Variants in STARD10 observed in about 807,000 individuals in gnomAD.
The protein encoded by STARD10 is START domain-containing protein 10.
In STARD10, 24 loss-of-function variants were observed where a neutral mutation model predicts 36.0. The ratio of observed to expected loss-of-function variants is 0.67; its 90% CI spans 0.48 to 0.94. The LOEUF is 0.94. Among genes scored for constraint, STARD10 ranks in the 40% least tolerant of loss-of-function variants. The pLI is 0.00. For missense variants in STARD10, 335 were observed against 396.6 expected, an observed-to-expected ratio of 0.84 and a Z score of 1.32; for synonymous variants, 156 against 161.9, an observed-to-expected ratio of 0.96 and a Z score of 0.28.
chr11:72,790,490 G>C (rs527960302), intron 1 of STARD10: 2 of 152,100 alleles, frequency 1.3e-5, no homozygotes, highest in East Asian at 3.8e-4. Flanking sequence ...AAGGTGGGCC[G>C]GGGGGGTATC....
At chr11:72,765,191 G>A (rs1385358246) in intron 2 of STARD10, among the ~76,000 whole-genome samples, 3 of 152,122 alleles carry the variant, frequency 2.0e-5, no homozygotes, top group South Asian at 2.1e-4. Flanking sequence ...GCTTGAACCC[G>A]AGAGGCGGAG....
At position 72,781,305 on chromosome 11, in the gene STARD10, G is replaced by A; in HGVS notation, c.-113-11C>T. The A allele has an allele frequency of 2.5e-6, 2 of 809,054 alleles. No homozygotes were observed. Among genetic ancestry groups the A allele is most frequent in the South Asian group, 3.4e-5 (2 of 58,664 alleles). 50.1% of individuals were successfully genotyped at this position (809,054 alleles called of 1,614,324 possible). ...CCACCTTCCTGGGACCTGCAAGACC[G>A]GTTTGGGGACGGGAATCAGTGCGCT... On this transcript the variant is annotated splice_polypyrimidine_tract_variant and intron_variant, in intron 1 of 6. Transcript: ENST00000334805. The surrounding 1 kb of genome is among the most constrained non-coding windows in gnomAD (Gnocchi z 4.7).
chr11:72,769,593 C>T (rs1295494115), intron 2 of STARD10, among the ~76,000 whole-genome samples: 2 of 152,040 alleles, frequency 1.3e-5, no homozygotes, highest in African/African-American at 4.8e-5. Context: ...ATCCTCCCAC[C>T]TCAGCCTCTC....
intron 2 of STARD10, among the ~76,000 whole-genome samples, chr11:72,779,185 T>C (rs2135623609): frequency 6.6e-6 from 1 of 152,358 alleles, no homozygotes; most frequent in South Asian, 2.1e-4. Flanking sequence ...TCCCCCAGTG[T>C]GCACTGCCCG....
At position 72,781,024 on chromosome 11, in the gene STARD10, G is replaced by A. The variant is rs1484212002; in HGVS notation, c.158C>T (p.Ser53Phe). Residue 53 changes from serine to phenylalanine, a missense_variant, in exon 2 of 7, where the codon TCT becomes TTT. Physicochemically the swap from Ser to Phe is radical, Grantham distance 155. Transcript: ENST00000334805. The surrounding 1 kb of genome is among the most constrained non-coding windows in gnomAD (Gnocchi z 4.7). ...WNLTYSRAGV[S>F]VWVQAVEMDR... Reference sequence around the variant, plus strand: ...CATCTCCACAGCCTGCACCCAGACAGACACCCCAGCCCTGCTATAGGTCAG... The same window carrying A: ...CATCTCCACAGCCTGCACCCAGACAAACACCCCAGCCCTGCTATAGGTCAG... 2 of 1,614,048 alleles carry A rather than the reference G, an allele frequency of 1.2e-6. No individual in the cohort carries two copies. Among genetic ancestry groups the A allele is most frequent in the African/African-American group, 1.3e-5 (1 of 74,942 alleles).
At chr11:72,765,729 G>A (rs754733232) in intron 2 of STARD10, among the ~76,000 whole-genome samples, 24 of 151,980 alleles carry the variant, frequency 1.6e-4, no homozygotes, top group East Asian at 3.9e-4. Context: ...CCAGCACTTC[G>A]GGAGGCCGAG....
rs2135625193 is a variant in STARD10, at chr11:72,781,549, G to C, written c.-113-255C>G. ...AGGGACTGGCCGGGACCCGAGGGGA[G>C]GGACGGTGCGGCGGGGCCCGCGGAG... is the stretch of plus-strand genomic sequence containing the variant. On this transcript the variant is annotated intron_variant, in intron 1 of 6. Coordinates refer to ENST00000334805, the MANE Select transcript of STARD10 (RefSeq NM_006645.3). This position sits in a 1 kb window ranked among gnomAD's most constrained non-coding sequence, Gnocchi z 4.7. The C allele has an allele frequency of 5.3e-6, 1 of 189,782 alleles. No homozygotes were observed. The highest frequency in any genetic ancestry group is 6.0e-5 in the Admixed American group (1 of 16,780). The allele number at this position is 189,782 out of a possible 1,614,324, so 11.8% of individuals were successfully genotyped here. A position where few individuals can be genotyped will look rare whatever the true frequency, so the allele number is the denominator to read the frequency against.
At chr11:72,762,018 C>T (rs184604594) in intron 2 of STARD10, among the ~76,000 whole-genome samples, 45 of 149,192 alleles carry the variant, frequency 3.0e-4, no homozygotes, top group African/African-American at 9.4e-4. Flanking sequence ...CTACGCCTCC[C>T]GGGTTCAAGT....
chr11:72,786,691 T>G (rs763423490), intron 1 of STARD10, among the ~76,000 whole-genome samples: 1 of 151,752 alleles, frequency 6.6e-6, no homozygotes, highest in Non-Finnish European at 1.5e-5. Flanking sequence ...CACCTTGGTA[T>G]TACACAGGGC....
At chr11:72,780,188 TC>T in intron 2 of STARD10, 1 of 448,286 alleles carries the variant, frequency 2.2e-6, no homozygotes, top group Non-Finnish European at 4.5e-6. Flanking sequence ...CCCCATCTGG[TC>T]CCCTGGGGGA....
intron 2 of STARD10, among the ~76,000 whole-genome samples, chr11:72,775,880 G>T (rs1354694496): frequency 1.3e-5 from 2 of 152,178 alleles, no homozygotes; most frequent in East Asian, 3.9e-4. Context: ...GGGCCACACA[G>T]CGAGGACTCT....
In STARD10 at chr11:72,781,977, G is replaced by A. The variant is rs1275462926; in HGVS notation, c.-113-683C>T. The A allele has an allele frequency of 3.9e-5, 6 of 152,148 alleles. No homozygotes were observed. The highest frequency in any genetic ancestry group is 8.8e-5 in the Non-Finnish European group (6 of 68,040). 9.4% of individuals were successfully genotyped at this position (152,148 alleles called of 1,614,324 possible). On this transcript the variant is annotated intron_variant, in intron 1 of 6. Coordinates refer to ENST00000334805, the MANE Select transcript of STARD10 (RefSeq NM_006645.3). This position sits in a 1 kb window ranked among gnomAD's most constrained non-coding sequence, Gnocchi z 4.7. The stretch of plus-strand genomic sequence containing the variant: ...CCCGCCGGCCCTGGGAGGGGACCCT[G>A]CGCGCGAGGGGCAAGTCCCCAGCGG...
chr11:72,787,294 C>T (rs964359230), intron 1 of STARD10, among the ~76,000 whole-genome samples: 4 of 152,146 alleles, frequency 2.6e-5, no homozygotes, highest in African/African-American at 2.4e-5. Context: ...ATCCCTGCAC[C>T]TCTGAACCCT....
chr11:72,774,378 C>T (rs1275709721), intron 2 of STARD10, among the ~76,000 whole-genome samples: 1 of 152,224 alleles, frequency 6.6e-6, no homozygotes, highest in Non-Finnish European at 1.5e-5. Context: ...CCCCAGAGAA[C>T]AGCTCCAGCT....
intron 2 of STARD10, among the ~76,000 whole-genome samples, chr11:72,774,705 G>A (rs1254035009): frequency 6.6e-6 from 1 of 152,212 alleles, no homozygotes; most frequent in Non-Finnish European, 1.5e-5. Context: ...TATCCTCAGT[G>A]GCAACCAGGC....
intron 5 of STARD10, 64 bp from the exon 6 acceptor site, chr11:72,755,817 C>T: frequency 1.3e-6 from 2 of 1,482,262 alleles, no homozygotes; most frequent in Non-Finnish European, 1.8e-6. Context: ...CTGACAAAAG[C>T]CCCACCCTCT....
chr11:72,756,583 C>T (rs2135607249), intron 5 of STARD10, among the ~76,000 whole-genome samples: 3 of 152,120 alleles, frequency 2.0e-5, no homozygotes, highest in Middle Eastern at 6.8e-3. Context: ...CCTGGAGGGG[C>T]GAGGAGGGGA....
rs377229682 is a variant in STARD10 at position 72,768,072 on chromosome 11, G to A, written c.208-8691C>T. 1.6e-4 allele frequency among the ~76,000 whole-genome samples: 25 copies of A among 152,242 alleles called. No homozygotes were observed. In the East Asian group the frequency reaches 4.4e-3, roughly 27 times the overall value. ...ACAAAAATGCCAAGATCCCTCCACA[G>A]CGTGAGTGCACAGCGAGGGGGTGGG... On this transcript the variant is annotated intron_variant, in intron 2 of 6. Coordinates refer to ENST00000334805, the MANE Select transcript of STARD10 (RefSeq NM_006645.3).
chr11:72,755,268 T>G, intron 6 of STARD10, 126 bp from the exon 7 acceptor site: 1 of 952,516 alleles, frequency 1.0e-6, no homozygotes, highest in Non-Finnish European at 1.5e-6. Context: ...TCCTCAGCCC[T>G]ACTTGCCCTC....
Sources: gnomAD v4.1 joint callset for allele counts (sites outside exome capture counted in the v4.1 genomes callset) on GRCh38, gnomAD v4.1.1 for gene constraint, Gnocchi (gnomAD v3.1) non-coding constraint, MANE v1.5 for transcripts, NCBI Gene and HGNC (gene_info 2026-07-23, HGNC 2026-07-21) for gene names.